KIF26B: variants seen among roughly 807,000 people sequenced by gnomAD.
The protein encoded by KIF26B is kinesin-like protein KIF26B.
In KIF26B, 63 loss-of-function variants were observed where a neutral mutation model predicts 151.2. That is an observed-to-expected ratio of 0.42 (90% confidence interval 0.34 to 0.51). The LOEUF is 0.51. Ranked by LOEUF, KIF26B falls within the 20% of genes least tolerant of loss-of-function variation. The pLI is 0.07. For missense variants in KIF26B, 2,813 were observed against 2,913.6 expected, an observed-to-expected ratio of 0.97 and a Z score of 0.79; for synonymous variants, 1,357 against 1,262.1, an observed-to-expected ratio of 1.08 and a Z score of -1.59.
In KIF26B at chr1:245,555,447, G is replaced by A. The variant is rs896425510; in HGVS notation, c.1350+14497G>A. The stretch of plus-strand genomic sequence containing the variant: ...CAGGCCAGCTTTCTCTCTTACAGCT[G>A]CCACCAGCAGACTGGACAGACTCCT... On this transcript the variant is annotated intron_variant, in intron 5 of 14. Coordinates refer to ENST00000407071, the MANE Select transcript of KIF26B (RefSeq NM_018012.4). Among the ~76,000 whole-genome samples, 4 of 152,142 alleles carry A rather than the reference G, an allele frequency of 2.6e-5. 1 individual carries two copies. The highest frequency in any genetic ancestry group is 2.9e-5 in the Non-Finnish European group (2 of 68,024).
At chr1:245,407,407 C>G (rs10924191) in intron 3 of KIF26B, among the ~76,000 whole-genome samples, 2 of 151,946 alleles carry the variant, frequency 1.3e-5, no homozygotes, top group South Asian at 4.1e-4. Flanking sequence ...TCCCCGCTTC[C>G]CATCTCTTTG....
chr1:245,447,609 A>G (rs1479565444), intron 4 of KIF26B, among the ~76,000 whole-genome samples: 1 of 152,056 alleles, frequency 6.6e-6, no homozygotes, highest in African/African-American at 2.4e-5. Context: ...GGGCTCAGAC[A>G]CCAGACCAAA....
chr1:245,240,882 G>T (rs1012315596), intron 2 of KIF26B, among the ~76,000 whole-genome samples: 2 of 152,122 alleles, frequency 1.3e-5, no homozygotes, highest in African/African-American at 4.8e-5. Flanking sequence ...AGAGCCTGAA[G>T]TGACTTGGAG....
At chr1:245,545,102 A>AT (rs58563353) in intron 5 of KIF26B, among the ~76,000 whole-genome samples, 5,365 of 139,228 alleles carry the variant, frequency 0.039, 104 homozygotes, top group Non-Finnish European at 0.049. Context: ...ATACACAGCA[A>AT]TTTTTTTTTT....
chr1:245,168,096 C>T (rs1041731043), intron 2 of KIF26B, among the ~76,000 whole-genome samples: 6 of 152,170 alleles, frequency 3.9e-5, no homozygotes, highest in African/African-American at 1.2e-4. Context: ...GCATGGTAGT[C>T]GGTGGGCTCT....
At chr1:245,250,980 G>A (rs1670433067) in intron 2 of KIF26B, among the ~76,000 whole-genome samples, 1 of 152,110 alleles carries the variant, frequency 6.6e-6, no homozygotes, top group Non-Finnish European at 1.5e-5. Flanking sequence ...AGGCACAGAG[G>A]GTGGAGTCCA....
At chr1:245,407,043 C>T (rs1674151414) in intron 3 of KIF26B, among the ~76,000 whole-genome samples, 1 of 152,174 alleles carries the variant, frequency 6.6e-6, no homozygotes, top group African/African-American at 2.4e-5. Context: ...CTGCCTTGGC[C>T]TCCCAAAGTG....
chr1:245,672,734 A>G (rs1381015767), intron 10 of KIF26B, among the ~76,000 whole-genome samples: 2 of 152,118 alleles, frequency 1.3e-5, no homozygotes, highest in Non-Finnish European at 1.5e-5. Flanking sequence ...CATAATTGTA[A>G]TCTAGTATAA....
At chr1:245,380,616 C>T (rs1045351350) in intron 3 of KIF26B, among the ~76,000 whole-genome samples, 1 of 152,172 alleles carries the variant, frequency 6.6e-6, no homozygotes, top group Admixed American at 6.5e-5. Context: ...GCGACCTGTG[C>T]CAGGTCACAC....
chr1:245,215,864 TG>T lies in KIF26B; in HGVS notation c.465+59183del, dbSNP rs903752799. Among the ~76,000 whole-genome samples, 8 of 152,026 alleles carry T rather than the reference TG, an allele frequency of 5.3e-5. No homozygotes were observed. The South Asian group carries it at 6.2e-4, about 12-fold the overall frequency. On this transcript the variant is annotated intron_variant, in intron 2 of 14. Transcript: ENST00000407071. ...CCCCTATATTCTCTACTGTTTAGAG[TG>T]GTATAATGTTGGCATGACCTCATCT...
chr1:245,671,466 C>A (rs989000231), intron 10 of KIF26B, among the ~76,000 whole-genome samples: 1 of 151,978 alleles, frequency 6.6e-6, no homozygotes, highest in Non-Finnish European at 1.5e-5. Flanking sequence ...TGGTGGTTAC[C>A]GGGGGCCGGG....
At chr1:245,504,017 C>G (rs576740756) in intron 4 of KIF26B, among the ~76,000 whole-genome samples, 1 of 152,190 alleles carries the variant, frequency 6.6e-6, no homozygotes, top group Non-Finnish European at 1.5e-5. Context: ...CTGCTTCGGT[C>G]GTTTTCGTAT....
intron 3 of KIF26B, among the ~76,000 whole-genome samples, chr1:245,370,314 G>C (rs768919133): frequency 1.3e-5 from 2 of 151,786 alleles, no homozygotes; most frequent in Admixed American, 1.3e-4. Context: ...TATTTTCCAC[G>C]CTATGGAGAT....
rs1670207577 is a variant in KIF26B, at chr1:245,241,339, AGGG to A, written c.465+84657_465+84659del. On this transcript the variant is annotated intron_variant, in intron 2 of 14. Transcript: ENST00000407071. This position sits in a 1 kb window ranked among gnomAD's most constrained non-coding sequence, Gnocchi z 5.0. ...GGGTTTTAGATCCTCATTTGGCCAGAGGGAGGCAGCTGGATCGGCTTCTCCAGA... is the reference window on the plus strand; with the variant it reads ...GGGTTTTAGATCCTCATTTGGCCAGAAGGCAGCTGGATCGGCTTCTCCAGA... Among the ~76,000 whole-genome samples, 2 of 152,148 alleles carry A rather than the reference AGGG, an allele frequency of 1.3e-5. No individual in the cohort carries two copies. The highest frequency in any genetic ancestry group is 2.9e-5 in the Non-Finnish European group (2 of 68,010).
intron 2 of KIF26B, among the ~76,000 whole-genome samples, chr1:245,320,313 A>G (rs1046738480): frequency 2.0e-5 from 3 of 152,236 alleles, no homozygotes; most frequent in African/African-American, 4.8e-5. Context: ...TATTTTTTAA[A>G]TAGACTTTTT....
In KIF26B at chr1:245,686,698, C is replaced by G; in HGVS notation, c.3715C>G (p.Leu1239Val). 1 of 1,613,058 alleles carries G rather than the reference C, an allele frequency of 6.2e-7. No individual in the cohort carries two copies. Among genetic ancestry groups the G allele is most frequent in the South Asian group, 1.1e-5 (1 of 90,960 alleles). ...VSIISSISED[L>V]ECYSSTAPVS... is the part of the protein sequence containing the mutation. ...CATCATCAGCAGCATCAGCGAGGAC[C>G]TGGAGTGCTACTCCAGCACGGCCCC... The change falls in exon 12 of 15, where the codon CTG (leucine) becomes GTG (valine). Residue 1239 changes from leucine (L) to valine (V), a missense_variant. Around this residue, in one of 3 missense-constraint regions of KIF26B, gnomAD observed 2,060 missense variants for 2,088.6 expected, o/e 0.99. Transcript: ENST00000407071. This position sits in a 1 kb window ranked among gnomAD's most constrained non-coding sequence, Gnocchi z 5.6.
intron 2 of KIF26B, among the ~76,000 whole-genome samples, chr1:245,362,356 G>A (rs1432652805): frequency 3.7e-5 from 5 of 134,318 alleles, no homozygotes; most frequent in African/African-American, 8.8e-5. Context: ...GTGAAACCCC[G>A]TCTCTACTAA....
chr1:245,379,142 T>C (rs548883081), intron 3 of KIF26B, among the ~76,000 whole-genome samples: 1 of 152,338 alleles, frequency 6.6e-6, no homozygotes, highest in East Asian at 1.9e-4. Flanking sequence ...ATAAATGTTA[T>C]CCTGCAAATC....
At chr1:245,622,012 T>C (rs553770043) in intron 9 of KIF26B, among the ~76,000 whole-genome samples, 1 of 152,122 alleles carries the variant, frequency 6.6e-6, no homozygotes, top group African/African-American at 2.4e-5. Flanking sequence ...TCAAATGGAC[T>C]GTTAGAGTCA....
Sources: allele counts gnomAD v4.1 joint callset (sites outside exome capture counted in the v4.1 genomes callset), GRCh38; gene constraint gnomAD v4.1.1; regional missense constraint gnomAD v4.1.1; non-coding constraint Gnocchi (gnomAD v3.1); transcripts MANE v1.5; gene names NCBI Gene and HGNC (gene_info 2026-07-23, HGNC 2026-07-21).